Variants in PDE4D observed in about 807,000 individuals in gnomAD.
PDE4D encodes 3',5'-cyclic-AMP phosphodiesterase 4D.
Under a neutral mutation model 87.4 loss-of-function variants are expected in PDE4D, and 24 were observed. That is an observed-to-expected ratio of 0.27 (90% confidence interval 0.20 to 0.39). PDE4D has a LOEUF of 0.39. PDE4D is among the 10% of genes least tolerant of loss of function. PDE4D has a pLI of 1.00. For missense variants in PDE4D, 714 were observed against 1,041.0 expected (o/e 0.69, Z 4.32); for synonymous variants, 384 against 383.2 (o/e 1.00, Z -0.02).
chr5:60,093,308 T>C (rs1008135453), intron 2 of PDE4D, among the ~76,000 whole-genome samples: 1 of 152,204 alleles, frequency 6.6e-6, no homozygotes, highest in Non-Finnish European at 1.5e-5. Context: ...ATGGTTGCCG[T>C]GGACACCATG....
At chr5:59,768,516 G>A (rs372156525) in intron 1 of PDE4D, 40 of 1,598,016 alleles carry the variant, frequency 2.5e-5, no homozygotes, top group Non-Finnish European at 3.0e-5. Flanking sequence ...CCATTTTCCT[G>A]GTCAACTTTG....
At chr5:59,204,507 C>T (rs890309270) in intron 2 of PDE4D, among the ~76,000 whole-genome samples, 1 of 152,132 alleles carries the variant, frequency 6.6e-6, no homozygotes, top group Admixed American at 6.5e-5. Context: ...AAATGTTTAG[C>T]ACATGTGTGT....
chr5:59,789,978 G>A (rs1007867742), intron 1 of PDE4D, among the ~76,000 whole-genome samples: 8 of 152,176 alleles, frequency 5.3e-5, no homozygotes, highest in South Asian at 2.1e-4. Flanking sequence ...CTTTCTGTAC[G>A]TTTCTGCACT....
chr5:60,451,763 C>T (rs1020619029), intron 1 of PDE4D, among the ~76,000 whole-genome samples: 78 of 152,026 alleles, frequency 5.1e-4, no homozygotes, highest in African/African-American at 1.7e-3. Context: ...GCCGAACTCT[C>T]TACAGAGACA....
rs376214627 is a variant in PDE4D, at chr5:59,227,951, C to G, written c.456-11983G>C. ...ATTCTACCATAAAGATACGTGCATG[C>G]ATGTGTTAATTACAGCCCTATTCAC... On this transcript the variant is annotated intron_variant, in intron 1 of 14. Coordinates refer to ENST00000340635, the MANE Select transcript of PDE4D (RefSeq NM_001104631.2). Among the ~76,000 whole-genome samples the G allele has an allele frequency of 3.9e-5, 6 of 152,156 alleles. No homozygotes were observed. The South Asian group carries it at 6.2e-4, about 16-fold the overall frequency.
chr5:59,366,562 G>C (rs1012758664), intron 1 of PDE4D, among the ~76,000 whole-genome samples: 1 of 152,076 alleles, frequency 6.6e-6, no homozygotes, highest in Non-Finnish European at 1.5e-5. Flanking sequence ...AAGCACTTGG[G>C]AATGAGATAA....
chr5:60,117,196 T>C (rs1778246559), intron 2 of PDE4D, among the ~76,000 whole-genome samples: 1 of 152,076 alleles, frequency 6.6e-6, no homozygotes. Flanking sequence ...TAACTAACAC[T>C]TTTTCCAAAC....
chr5:59,441,335 G>C (rs374784031), intron 1 of PDE4D, among the ~76,000 whole-genome samples: 1 of 152,166 alleles, frequency 6.6e-6, no homozygotes, highest in Non-Finnish European at 1.5e-5. Flanking sequence ...GGACTCCAGC[G>C]ATACACCTGC....
intron 1 of PDE4D, among the ~76,000 whole-genome samples, chr5:59,892,674 C>G (rs941272482): frequency 9.9e-5 from 15 of 152,246 alleles, no homozygotes; most frequent in Admixed American, 6.5e-4. Flanking sequence ...CTCACTCCCC[C>G]CTCCTCCCCA....
rs1764910361 is a variant in PDE4D, at chr5:60,010,361, T to C, written c.43-21644A>G. On this transcript the variant is annotated intron_variant, in intron 2 of 16. Transcript: ENST00000502484. ...GCAAAGCACAATGTATTCTGAAACA[T>C]GTTTCTCTAATGCAAATACATTCAT... Among the ~76,000 whole-genome samples, 5 of 152,302 alleles carry C rather than the reference T, an allele frequency of 3.3e-5. No homozygotes were observed. The South Asian group carries it at 1.0e-3, about 32-fold the overall frequency.
At chr5:59,114,104 A>C (rs1354607576) in intron 5 of PDE4D, among the ~76,000 whole-genome samples, 2 of 152,228 alleles carry the variant, frequency 1.3e-5, no homozygotes, top group Non-Finnish European at 2.9e-5. Flanking sequence ...TAACATTATT[A>C]GTTAAATAAC....
chr5:59,584,960 GAAT>G (rs1824856236), intron 1 of PDE4D, among the ~76,000 whole-genome samples: 1 of 152,120 alleles, frequency 6.6e-6, no homozygotes, highest in African/African-American at 2.4e-5. Context: ...TTGTCTGTAA[GAAT>G]AATGAGGACC....
chr5:59,627,312 G>A (rs1831008370), intron 1 of PDE4D, among the ~76,000 whole-genome samples: 1 of 152,146 alleles, frequency 6.6e-6, no homozygotes, highest in African/African-American at 2.4e-5. Flanking sequence ...CAAAGCAGGT[G>A]GGATATTTTG....
intron 2 of PDE4D, among the ~76,000 whole-genome samples, chr5:60,077,384 C>A (rs766737813): frequency 5.9e-5 from 9 of 152,150 alleles, no homozygotes; most frequent in Non-Finnish European, 1.2e-4. Context: ...GGGGACGCTG[C>A]AGTTGTGGGA....
chr5:60,322,160 T>G (rs758016521), intron 1 of PDE4D, among the ~76,000 whole-genome samples: 1 of 152,006 alleles, frequency 6.6e-6, no homozygotes, highest in Non-Finnish European at 1.5e-5. Context: ...AACCTAAATG[T>G]CCATCAGTGG....
chr5:60,034,913 C>T (rs1767621550), intron 2 of PDE4D, among the ~76,000 whole-genome samples: 1 of 152,248 alleles, frequency 6.6e-6, no homozygotes, highest in Non-Finnish European at 1.5e-5. Context: ...AACTCTCCCT[C>T]TGCTGTATGA....
At chr5:59,084,664 A>T (rs1580715124) in intron 5 of PDE4D, among the ~76,000 whole-genome samples, 1 of 152,206 alleles carries the variant, frequency 6.6e-6, no homozygotes, top group Non-Finnish European at 1.5e-5. Flanking sequence ...AGGCAGTCAG[A>T]TCACTTGAGT....
intron 2 of PDE4D, among the ~76,000 whole-genome samples, chr5:60,136,706 T>C (rs1780080975): frequency 6.6e-6 from 1 of 152,182 alleles, no homozygotes; most frequent in African/African-American, 2.4e-5. Context: ...TTCTTATTCC[T>C]TGCTAAACAA....
At chr5:59,204,585 T>C (rs1748318543) in intron 2 of PDE4D, among the ~76,000 whole-genome samples, 1 of 152,246 alleles carries the variant, frequency 6.6e-6, no homozygotes, top group Non-Finnish European at 1.5e-5. Flanking sequence ...GAGACTTTTC[T>C]AGGACGGCTG....
Sources: allele counts gnomAD v4.1 joint callset (sites outside exome capture counted in the v4.1 genomes callset), GRCh38; gene constraint gnomAD v4.1.1; transcripts MANE v1.5; gene names NCBI Gene and HGNC (gene_info 2026-07-23, HGNC 2026-07-21).